Variants in THSD4 observed in about 807,000 individuals in gnomAD.
THSD4 encodes thrombospondin type-1 domain-containing protein 4.
A neutral mutation model predicts 119.0 loss-of-function variants in THSD4; 69 were observed. The observed-to-expected ratio is 0.58, with a 90% CI of 0.48 to 0.71. THSD4 has a LOEUF of 0.71. Among genes scored for constraint, THSD4 ranks in the 30% least tolerant of loss-of-function variants. The pLI, the probability that THSD4 is intolerant of heterozygous loss-of-function variation, is 0.00. For synonymous variants in THSD4, 524 were observed against 540.4 expected (o/e 0.97, Z 0.42); for missense variants, 1,393 against 1,391.1 (o/e 1.00, Z -0.02).
chr15:71,273,684 A>G (rs909340816), intron 6 of THSD4, among the ~76,000 whole-genome samples: 5 of 152,190 alleles, frequency 3.3e-5, no homozygotes, highest in African/African-American at 4.8e-5. Flanking sequence ...AAAAATACAC[A>G]GTATCATTTT....
intron 7 of THSD4, among the ~76,000 whole-genome samples, chr15:71,582,374 GT>G (rs147426755): frequency 2.6e-5 from 4 of 152,028 alleles, no homozygotes; most frequent in Non-Finnish European, 4.4e-5. Flanking sequence ...GTTTTAACAG[GT>G]TTTTTTGTTA....
intron 1 of THSD4, among the ~76,000 whole-genome samples, chr15:71,128,903 T>C (rs1483812965): frequency 6.6e-6 from 1 of 152,220 alleles, no homozygotes; most frequent in Non-Finnish European, 1.5e-5. Context: ...CATCTGATTT[T>C]TGACAAAGGT....
intron 3 of THSD4, among the ~76,000 whole-genome samples, chr15:71,170,095 A>G (rs2043342092): frequency 6.6e-6 from 1 of 152,112 alleles, no homozygotes; most frequent in Non-Finnish European, 1.5e-5. Flanking sequence ...AATCTCTTGA[A>G]CCCAGGAGGC....
intron 6 of THSD4, among the ~76,000 whole-genome samples, chr15:71,321,755 A>G (rs1362852470): frequency 2.0e-5 from 3 of 152,144 alleles, no homozygotes; most frequent in African/African-American, 7.2e-5. Context: ...ACATCAGACA[A>G]TTTTTTTAAG....
rs150490070 is a variant in THSD4 at position 71,496,287 on chromosome 15, T to C, written c.1152+84464T>C. 3.0e-3 allele frequency among the ~76,000 whole-genome samples: 460 copies of C among 152,298 alleles called. 3 individuals are homozygous for C. The highest frequency in any genetic ancestry group is 0.01 in the African/African-American group (434 of 41,572). On this transcript the variant is annotated intron_variant, in intron 7 of 17. Transcript: ENST00000261862. ...ATTAAAAATTGATTTAGTTGTACAA[T>C]AGAAAGCAGTTGGGATGAATTATTA...
intron 7 of THSD4, among the ~76,000 whole-genome samples, chr15:71,447,123 T>TTG (rs1275215904): frequency 8.0e-5 from 11 of 137,476 alleles, no homozygotes; most frequent in East Asian, 2.1e-4. Flanking sequence ...TTTTTGTTTT[T>TTG]TTTTTTTTTT....
At chr15:71,501,684 T>A (rs944088875) in intron 7 of THSD4, among the ~76,000 whole-genome samples, 22 of 152,358 alleles carry the variant, frequency 1.4e-4, no homozygotes, top group Middle Eastern at 3.4e-3. Context: ...GATTTGAATT[T>A]AAAAATGCAA....
At chr15:71,572,013 T>C (rs1595894485) in intron 7 of THSD4, among the ~76,000 whole-genome samples, 1 of 152,344 alleles carries the variant, frequency 6.6e-6, no homozygotes, top group East Asian at 1.9e-4. Context: ...TCCTAAAATG[T>C]TTATTTATCT....
At chr15:71,562,837 G>A (rs2049151402) in intron 7 of THSD4, among the ~76,000 whole-genome samples, 2 of 151,844 alleles carry the variant, frequency 1.3e-5, no homozygotes, top group Admixed American at 6.6e-5. Flanking sequence ...TGAGTAGCTG[G>A]GATTGCAGGC....
At chr15:71,683,284 C>T (rs2051834661) in intron 8 of THSD4, among the ~76,000 whole-genome samples, 1 of 151,630 alleles carries the variant, frequency 6.6e-6, no homozygotes, top group Non-Finnish European at 1.5e-5. Context: ...TTTTTGAAAC[C>T]ATTTTGTCAT....
At chr15:71,368,861 T>C (rs1402454372) in intron 6 of THSD4, among the ~76,000 whole-genome samples, 2 of 152,226 alleles carry the variant, frequency 1.3e-5, no homozygotes, top group African/African-American at 4.8e-5. Flanking sequence ...ACTGAGTCTA[T>C]AAATTACCTT....
chr15:71,240,798 TACACACACACACACACACAC>T (rs58462444), intron 4 of THSD4, among the ~76,000 whole-genome samples: 1 of 145,510 alleles, frequency 6.9e-6, no homozygotes, highest in Non-Finnish European at 1.5e-5. Flanking sequence ...TATATGTGTA[TACACACACACACACACACAC>T]ACACACACAC....
chr15:71,414,372 T>C (rs2046729991), intron 7 of THSD4, among the ~76,000 whole-genome samples: 1 of 152,250 alleles, frequency 6.6e-6, no homozygotes, highest in African/African-American at 2.4e-5. Flanking sequence ...CTCTTTTGGG[T>C]CAGTGCTCTC....
At chr15:71,725,588 G>A (rs2052817131) in intron 8 of THSD4, among the ~76,000 whole-genome samples, 1 of 152,142 alleles carries the variant, frequency 6.6e-6, no homozygotes, top group Non-Finnish European at 1.5e-5. Flanking sequence ...CAGAAGCTGG[G>A]GTGAGAGTGT....
At chr15:71,225,554 T>C (rs1032817073) in intron 4 of THSD4, among the ~76,000 whole-genome samples, 3 of 142,862 alleles carry the variant, frequency 2.1e-5, no homozygotes, top group Admixed American at 6.9e-5. Flanking sequence ...TTTTTTTCTT[T>C]TTTTTTTTTT....
intron 16 of THSD4, among the ~76,000 whole-genome samples, chr15:71,765,648 A>C (rs941826990): frequency 2.6e-5 from 4 of 152,192 alleles, no homozygotes; most frequent in African/African-American, 7.2e-5. Flanking sequence ...GACACCTGTA[A>C]TCCCAATACT....
intron 6 of THSD4, among the ~76,000 whole-genome samples, chr15:71,290,844 T>C (rs948706294): frequency 2.0e-5 from 3 of 151,598 alleles, no homozygotes; most frequent in African/African-American, 7.3e-5. Flanking sequence ...CACATTGTAA[T>C]TGATGTCTGG....
At chr15:71,569,647 C>G (rs1029959096) in intron 7 of THSD4, among the ~76,000 whole-genome samples, 1 of 152,094 alleles carries the variant, frequency 6.6e-6, no homozygotes, top group African/African-American at 2.4e-5. Context: ...ACTGTGAGCT[C>G]CCTAGCAGCC....
chr15:71,321,439 G>C (rs2045266601), intron 6 of THSD4, among the ~76,000 whole-genome samples: 1 of 152,142 alleles, frequency 6.6e-6, no homozygotes, highest in Non-Finnish European at 1.5e-5. Flanking sequence ...AGGAGGCTGA[G>C]GCAGGAGAAT....
Sources: allele counts gnomAD v4.1 joint callset (sites outside exome capture counted in the v4.1 genomes callset), GRCh38; gene constraint gnomAD v4.1.1; transcripts MANE v1.5; gene names NCBI Gene and HGNC (gene_info 2026-07-23, HGNC 2026-07-21).